LARP1: variants seen among roughly 807,000 people sequenced by gnomAD.
LARP1 encodes La ribonucleoprotein 1, translational regulator.
A neutral mutation model predicts 122.7 loss-of-function variants in LARP1; 36 were observed. The ratio of observed to expected loss-of-function variants is 0.29; its 90% confidence interval spans 0.22 to 0.39. The LOEUF is 0.39. Among genes scored for constraint, LARP1 ranks in the 10% least tolerant of loss-of-function variants. LARP1 has a pLI of 1.00. For synonymous variants in LARP1, 539 were observed against 528.7 expected (o/e 1.02, Z -0.27); for missense variants, 1,040 against 1,403.6 (o/e 0.74, Z 4.14).
chr5:154,722,376 G>A (rs1476100396), intron 1 of LARP1, among the ~76,000 whole-genome samples: 1 of 152,142 alleles, frequency 6.6e-6, no homozygotes, highest in East Asian at 1.9e-4. Context: ...TGGGAATATT[G>A]CTCTCCCCAG....
At chr5:154,756,244 T>C in intron 1 of LARP1, 51 bp downstream of exon 1, 1 of 1,158,780 alleles carries the variant, frequency 8.6e-7, no homozygotes, top group Non-Finnish European at 1.1e-6. Flanking sequence ...TCCGGGGACA[T>C]GGGAGTCCCC....
intron 1 of LARP1, among the ~76,000 whole-genome samples, chr5:154,705,287 A>G (rs1254540407): frequency 1.4e-4 from 22 of 152,208 alleles, no homozygotes; most frequent in Admixed American, 1.4e-3. Context: ...GTTATTAAAA[A>G]GTTAAAAAAT....
intron 1 of LARP1, among the ~76,000 whole-genome samples, chr5:154,734,118 G>C (rs942568107): frequency 6.7e-6 from 1 of 150,262 alleles, no homozygotes; most frequent in African/African-American, 2.5e-5. Flanking sequence ...AGTGAGCCGA[G>C]ATCACGCTAT....
chr5:154,775,589 A>T (rs763662398), intron 1 of LARP1, among the ~76,000 whole-genome samples: 9 of 152,036 alleles, frequency 5.9e-5, no homozygotes, highest in Non-Finnish European at 1.2e-4. Flanking sequence ...TGCCTTTGCA[A>T]TAAACAGTGT....
At chr5:154,789,907 C>G (rs1757204739) in intron 1 of LARP1, among the ~76,000 whole-genome samples, 1 of 152,172 alleles carries the variant, frequency 6.6e-6, no homozygotes, top group South Asian at 2.1e-4. Flanking sequence ...CTGCTCACAT[C>G]AAACTTCTAG....
At chr5:154,785,740 C>T (rs1249748821) in intron 1 of LARP1, among the ~76,000 whole-genome samples, 3 of 152,112 alleles carry the variant, frequency 2.0e-5, no homozygotes, top group Non-Finnish European at 2.9e-5. Context: ...GTTAGACATT[C>T]GAGGTCGTGT....
chr5:154,755,147 G>A (rs1375781076), upstream of LARP1, among the ~76,000 whole-genome samples: 1 of 151,572 alleles, frequency 6.6e-6, no homozygotes. Context: ...CCCAGCCCGG[G>A]AGGTGCTCTG....
intron 1 of LARP1, among the ~76,000 whole-genome samples, chr5:154,739,010 TTTTGTTTG>T (rs752425603): frequency 1.3e-5 from 2 of 151,616 alleles, no homozygotes; most frequent in Non-Finnish European, 2.9e-5. Context: ...ACTGGACAGT[TTTTGTTTG>T]TTTGTTTGTT....
At chr5:154,776,488 T>C (rs1755894658) in intron 1 of LARP1, among the ~76,000 whole-genome samples, 1 of 152,230 alleles carries the variant, frequency 6.6e-6, no homozygotes. Flanking sequence ...CCTGCTCTTG[T>C]AAACCAATTA....
intron 8 of LARP1, among the ~76,000 whole-genome samples, chr5:154,797,300 C>T (rs1757962867): frequency 8.3e-6 from 1 of 120,800 alleles, no homozygotes; most frequent in African/African-American, 3.1e-5. Flanking sequence ...GTGGCATGGT[C>T]TCAGCTCACT....
At chr5:154,772,537 A>G (rs886497378) in intron 1 of LARP1, among the ~76,000 whole-genome samples, 2 of 152,162 alleles carry the variant, frequency 1.3e-5, no homozygotes, top group East Asian at 3.8e-4. Context: ...TAAACCCTCT[A>G]TATGTTTTTT....
intron 1 of LARP1, among the ~76,000 whole-genome samples, chr5:154,765,310 A>G (rs1203649456): frequency 4.6e-5 from 7 of 152,122 alleles, no homozygotes; most frequent in South Asian, 2.1e-4. Flanking sequence ...AGACCACCCT[A>G]TATAGACTAG....
In LARP1 at chr5:154,803,740, G is replaced by T; in HGVS notation, c.2434G>T (p.Ala812Ser). Residue 812 changes from alanine to serine, a missense_variant, in exon 13 of 19, where the codon GCC becomes TCC. Coordinates refer to ENST00000518297, the MANE Select transcript of LARP1 (RefSeq NM_033551.3). The surrounding 1 kb of genome is among the most constrained non-coding windows in gnomAD (Gnocchi z 4.4). ...PVVKEGRTLD[A>S]KMPRKRKTRH... ...GGTGAAAGAAGGACGGACACTGGAT[G>T]CCAAGGTGAGGCATTCCTGTCGGGC... 1.2e-6 allele frequency: 2 copies of T among 1,614,086 alleles called. No homozygotes were observed. The highest frequency in any genetic ancestry group is 1.7e-6 in the Non-Finnish European group (2 of 1,179,922).
At chr5:154,801,933 C>G in intron 10 of LARP1, 74 bp from the exon 11 acceptor site, 3 of 1,432,302 alleles carry the variant, frequency 2.1e-6, no homozygotes, top group Non-Finnish European at 2.8e-6. Context: ...GAGCTTCCCT[C>G]TCATGGTATA....
intron 8 of LARP1, among the ~76,000 whole-genome samples, chr5:154,796,496 A>G (rs1355887047): frequency 3.3e-5 from 5 of 151,990 alleles, no homozygotes; most frequent in African/African-American, 9.7e-5. Flanking sequence ...TCATTTTAAC[A>G]TGTTCATCTG....
chr5:154,782,898 G>T (rs1298141965), intron 1 of LARP1, among the ~76,000 whole-genome samples: 2 of 152,138 alleles, frequency 1.3e-5, no homozygotes, highest in Non-Finnish European at 2.9e-5. Flanking sequence ...GGGGTCCTGG[G>T]GTCAGTCAGT....
At chr5:154,796,780 T>C (rs1304680175) in intron 8 of LARP1, among the ~76,000 whole-genome samples, 3 of 152,212 alleles carry the variant, frequency 2.0e-5, no homozygotes, top group Non-Finnish European at 4.4e-5. Context: ...AACTGTTCAG[T>C]TACCAAGAGG....
intron 1 of LARP1, among the ~76,000 whole-genome samples, chr5:154,738,143 CGT>C (rs1757017297): frequency 6.6e-6 from 1 of 152,288 alleles, no homozygotes; most frequent in Middle Eastern, 3.4e-3. Flanking sequence ...GTAAACCATG[CGT>C]GTGTGGGATA....
chr5:154,795,833 A>G (rs1240446735), intron 8 of LARP1, among the ~76,000 whole-genome samples: 1 of 132,460 alleles, frequency 7.5e-6, no homozygotes, highest in East Asian at 2.1e-4. Flanking sequence ...TTATATATAT[A>G]TTTTATATAT....
Sources: allele counts gnomAD v4.1 joint callset (sites outside exome capture counted in the v4.1 genomes callset), GRCh38; gene constraint gnomAD v4.1.1; non-coding constraint Gnocchi (gnomAD v3.1); transcripts MANE v1.5; gene names NCBI Gene and HGNC (gene_info 2026-07-23, HGNC 2026-07-21).